The following CALU variants were observed in gnomAD, a reference collection of about 807,000 sequenced individuals.
The protein encoded by CALU is calumenin, also known as IEF SSP 9302.
A neutral mutation model predicts 37.5 loss-of-function variants in CALU; 13 were observed. The observed-to-expected ratio is 0.35, with a 90% CI of 0.23 to 0.55. The LOEUF is 0.55. CALU is among the 20% of genes least tolerant of loss of function. The pLI is 0.89. For missense variants in CALU, 282 were observed against 391.7 expected, an observed-to-expected ratio of 0.72 and a Z score of 2.36; for synonymous variants, 114 against 133.8, an observed-to-expected ratio of 0.85 and a Z score of 1.02.
intron 5 of CALU, among the ~76,000 whole-genome samples, chr7:128,762,593 A>G (rs1163642100): frequency 1.3e-5 from 2 of 151,782 alleles, no homozygotes; most frequent in Admixed American, 1.3e-4. Flanking sequence ...AAAAACACCC[A>G]AAGTTGTGCT....
rs1801660903 is a variant in CALU, at chr7:128,773,141, G to A, written c.*3974G>A. On this transcript the variant is annotated 3_prime_UTR_variant, in exon 7 of 7. Coordinates refer to ENST00000249364, the MANE Select transcript of CALU (RefSeq NM_001219.5). ...ATCCCCCAGTACCTTCAGATGATAAGATATTTTAGAGATTTTTGCATGTGG... is the reference window on the plus strand; with the variant it reads ...ATCCCCCAGTACCTTCAGATGATAAAATATTTTAGAGATTTTTGCATGTGG... 6.6e-6 allele frequency among the ~76,000 whole-genome samples: 1 copy of A among 152,180 alleles called. No individual in the cohort carries two copies. Among genetic ancestry groups the A allele is most frequent in the Non-Finnish European group, 1.5e-5 (1 of 68,028 alleles).
intron 3 of CALU, 96 bp downstream of exon 3, chr7:128,754,551 G>A (rs1181949994): frequency 5.1e-6 from 8 of 1,559,214 alleles, no homozygotes; most frequent in African/African-American, 1.4e-5. Context: ...TAAAATAGAC[G>A]CGGATAAAGA....
At chr7:128,742,220 A>T (rs1029655191) in intron 1 of CALU, among the ~76,000 whole-genome samples, 1 of 152,232 alleles carries the variant, frequency 6.6e-6, no homozygotes, top group African/African-American at 2.4e-5. Context: ...TAACAAGATA[A>T]CTTCATTTTC....
intron 1 of CALU, among the ~76,000 whole-genome samples, chr7:128,744,145 G>T (rs1027157960): frequency 4.6e-5 from 7 of 152,178 alleles, no homozygotes; most frequent in Admixed American, 3.9e-4. Context: ...GGTGGAGGTT[G>T]CAGTGAGCCA....
At chr7:128,756,866 G>A (rs756029532) in intron 3 of CALU, among the ~76,000 whole-genome samples, 1 of 152,022 alleles carries the variant, frequency 6.6e-6, no homozygotes, top group Non-Finnish European at 1.5e-5. Context: ...GCTTGAGTCC[G>A]GGAATTCGCG....
At chr7:128,764,058 C>T (rs546048691) in intron 5 of CALU, among the ~76,000 whole-genome samples, 1 of 152,290 alleles carries the variant, frequency 6.6e-6, no homozygotes, top group South Asian at 2.1e-4. Flanking sequence ...AAGAATTTGA[C>T]CAACAGCATT....
chr7:128,762,385 T>C (rs1299687944), intron 5 of CALU, among the ~76,000 whole-genome samples: 20 of 150,912 alleles, frequency 1.3e-4, no homozygotes, highest in Non-Finnish European at 2.8e-4. Flanking sequence ...TTTTTTTTTT[T>C]ACAAGTCAGT....
chr7:128,764,416 ACCCTGT>A (rs59063146), intron 5 of CALU, among the ~76,000 whole-genome samples: 45,280 of 151,746 alleles, frequency 0.3, 7,920 homozygotes, highest in Non-Finnish European at 0.41. Flanking sequence ...ACAGAGCAAG[ACCCTGT>A]CTCAGAAGAA....
chr7:128,762,776 T>G (rs1180035090), intron 5 of CALU, among the ~76,000 whole-genome samples: 1 of 152,110 alleles, frequency 6.6e-6, no homozygotes, highest in Non-Finnish European at 1.5e-5. Context: ...AGGCGATTCT[T>G]GTGCCTCAGC....
rs1801511704 is a variant in CALU, at chr7:128,770,421, A to C, written c.*1254A>C. The C allele has an allele frequency of 6.6e-6, 1 of 152,616 alleles. No homozygotes were observed. The highest frequency in any genetic ancestry group is 6.5e-5 in the Admixed American group (1 of 15,272). 9.5% of individuals were successfully genotyped at this position (152,616 alleles called of 1,614,324 possible). A position where few individuals can be genotyped will look rare whatever the true frequency, so the allele number is the denominator to read the frequency against. ...TACCTCACAATGCAAACCACTTACT[A>C]CCAGGCCTTTTTCTGTGTCCACTGG... On this transcript the variant is annotated 3_prime_UTR_variant, in exon 7 of 7. Transcript: ENST00000249364.
In CALU at chr7:128,772,057, T is replaced by G. The variant is rs1451085320; in HGVS notation, c.*2890T>G. ...AACTCATATTTGGGGCCACTGAGTT[T>G]TTTTTGTTTTTTTTTTTGTTTTGTT... On this transcript the variant is annotated 3_prime_UTR_variant, in exon 7 of 7. Coordinates refer to ENST00000249364, the MANE Select transcript of CALU (RefSeq NM_001219.5). Among the ~76,000 whole-genome samples, 1 of 115,756 alleles carries G rather than the reference T, an allele frequency of 8.6e-6. No homozygotes were observed. Among genetic ancestry groups the G allele is most frequent in the South Asian group, 2.5e-4 (1 of 3,970 alleles). The allele number at this position is 115,756 out of a possible 152,430, so 75.9% of individuals were successfully genotyped here. A position where few individuals can be genotyped will look rare whatever the true frequency, so the allele number is the denominator to read the frequency against.
chr7:128,740,745 A>G (rs1800208046), intron 1 of CALU, among the ~76,000 whole-genome samples: 1 of 152,204 alleles, frequency 6.6e-6, no homozygotes, highest in South Asian at 2.1e-4. Context: ...CTGAGTGAAT[A>G]GTACTCAATA....
At chr7:128,760,646 C>T (rs952290305) in intron 5 of CALU, among the ~76,000 whole-genome samples, 15 of 152,034 alleles carry the variant, frequency 9.9e-5, no homozygotes, top group Non-Finnish European at 1.9e-4. Flanking sequence ...CGGTGGCTCA[C>T]GCCTGTAATC....
chr7:128,768,627 T>C (rs1385435352), intron 6 of CALU, among the ~76,000 whole-genome samples: 1 of 151,962 alleles, frequency 6.6e-6, no homozygotes, highest in Non-Finnish European at 1.5e-5. Context: ...TCACCTGAGA[T>C]TGGGTGTTCA....
In CALU at chr7:128,755,142, CAAAAAA is replaced by C. The variant is rs35269374; in HGVS notation, c.415+699_415+704del. ...CAACATAGGGACACCCTGTCTCTAC[CAAAAAA>C]AAAAAAAAAAATTTAAATTAGCCAA... On this transcript the variant is annotated intron_variant, in intron 3 of 6. Coordinates refer to ENST00000249364, the MANE Select transcript of CALU (RefSeq NM_001219.5). Among the ~76,000 whole-genome samples the C allele has an allele frequency of 3.2e-5, 4 of 124,960 alleles. No individual in the cohort carries two copies. In the East Asian group the frequency reaches 9.2e-4, roughly 29 times the overall value. The allele number at this position is 124,960 out of a possible 152,430, so 82.0% of individuals were successfully genotyped here. A position where few individuals can be genotyped will look rare whatever the true frequency, so the allele number is the denominator to read the frequency against.
At chr7:128,754,774 A>T (rs546973440) in intron 3 of CALU, 1 of 1,129,990 alleles carries the variant, frequency 8.8e-7, no homozygotes, top group East Asian at 2.6e-5. Flanking sequence ...AGTCAAAGAA[A>T]CAAATGGGTC....
chr7:128,740,367 G>A lies in CALU; in HGVS notation c.-12+935G>A, dbSNP rs1438505155. On this transcript the variant is annotated intron_variant, in intron 1 of 6. Transcript: ENST00000249364. The stretch of plus-strand genomic sequence containing the variant: ...CATGAAGTCAACGTTAATGAATTGG[G>A]AATAAGGTGGCTTCTAGTTGTTTTT... Among the ~76,000 whole-genome samples the A allele has an allele frequency of 2.6e-5, 4 of 152,320 alleles. No individual in the cohort carries two copies. The East Asian group carries it at 7.7e-4, about 29-fold the overall frequency.
intron 3 of CALU, among the ~76,000 whole-genome samples, chr7:128,755,309 CAAAAAAAAA>C (rs59208090): frequency 5.8e-5 from 3 of 51,526 alleles, no homozygotes; most frequent in Admixed American, 3.1e-4. Context: ...GAGCTCTGTC[CAAAAAAAAA>C]AAAAAAAAAA....
At chr7:128,755,092 C>A (rs954429125) in intron 3 of CALU, among the ~76,000 whole-genome samples, 1 of 150,706 alleles carries the variant, frequency 6.6e-6, no homozygotes, top group African/African-American at 2.4e-5. Context: ...ATTGCCTGGG[C>A]CCAGGAGTTT....
Sources: allele counts gnomAD v4.1 joint callset (sites outside exome capture counted in the v4.1 genomes callset), GRCh38; gene constraint gnomAD v4.1.1; transcripts MANE v1.5; gene names NCBI Gene and HGNC (gene_info 2026-07-23, HGNC 2026-07-21).